HMBOX1: variants seen among roughly 807,000 people sequenced by gnomAD.
HMBOX1 encodes homeobox-containing protein 1.
Under a neutral mutation model 54.5 loss-of-function variants are expected in HMBOX1, and 14 were observed. The ratio of observed to expected loss-of-function variants is 0.26; its 90% confidence interval spans 0.17 to 0.40. The LOEUF (loss-of-function observed/expected upper bound fraction) is 0.40, where lower values mean the gene tolerates loss of function less well. HMBOX1 is among the 10% of genes least tolerant of loss of function. The pLI is 1.00. For missense variants in HMBOX1, 332 were observed against 514.4 expected, an observed-to-expected ratio of 0.65 and a Z score of 3.43; for synonymous variants, 160 against 181.0, an observed-to-expected ratio of 0.88 and a Z score of 0.93.
At position 29,017,087 on chromosome 8, in the gene HMBOX1, G is replaced by C. The variant is rs761100434; in HGVS notation, c.698-1673G>C. Among the ~76,000 whole-genome samples the C allele has an allele frequency of 3.6e-4, 55 of 152,162 alleles. 1 individual carries two copies. The highest frequency in any genetic ancestry group is 1.9e-4 in the Non-Finnish European group (13 of 68,022). On this transcript the variant is annotated intron_variant, in intron 5 of 9. Coordinates refer to ENST00000287701, the MANE Select transcript of HMBOX1 (RefSeq NM_001135726.3). ...ACTTCTCCATGTGGCATTTGCTGTG[G>C]CTACAGTGTCCAAGATGGCATTTTC...
In HMBOX1 at chr8:29,012,050, G is replaced by T. The variant is rs540881578; in HGVS notation, c.697+2868G>T. 3.9e-5 allele frequency among the ~76,000 whole-genome samples: 6 copies of T among 152,338 alleles called. No individual in the cohort carries two copies. The Middle Eastern group carries it at 0.01, about 259-fold the overall frequency. ...GGGACATAATTTAAAGGTAGCTAGA[G>T]ATAAGAGGGTAAGTTCGTAATTGCC... On this transcript the variant is annotated intron_variant, in intron 5 of 9. Transcript: ENST00000287701.
Position 28,898,948 on chromosome 8 carries a change from T to A in HMBOX1, c.-58+8270T>A, listed in dbSNP as rs145253206. On this transcript the variant is annotated intron_variant, in intron 1 of 9. Transcript: ENST00000287701. Reference sequence around the variant, plus strand: ...CTTTTTATGAGGAGGGTTCTCTTGTTGGTGTTGAACAAGGCACTCAGTTAA... The same window carrying A: ...CTTTTTATGAGGAGGGTTCTCTTGTAGGTGTTGAACAAGGCACTCAGTTAA... 3.0e-3 allele frequency among the ~76,000 whole-genome samples: 455 copies of A among 152,296 alleles called. 1 individual carries two copies. The highest frequency in any genetic ancestry group is 0.01 in the African/African-American group (431 of 41,552).
intron 4 of HMBOX1, among the ~76,000 whole-genome samples, chr8:29,004,889 A>G (rs887558937): frequency 6.6e-6 from 1 of 152,304 alleles, no homozygotes; most frequent in African/African-American, 2.4e-5. Flanking sequence ...AGCTCAAAGC[A>G]TGAGTTCAAG....
intron 6 of HMBOX1, chr8:29,042,784 T>G: frequency 2.3e-6 from 1 of 443,844 alleles, no homozygotes; most frequent in South Asian, 1.6e-5. Context: ...TGATTTCGCA[T>G]GCCATGGAGT....
intron 3 of HMBOX1, among the ~76,000 whole-genome samples, chr8:28,975,693 C>T (rs571027220): frequency 6.6e-6 from 1 of 152,132 alleles, no homozygotes; most frequent in South Asian, 2.1e-4. Context: ...CAAGATCAGC[C>T]CGCTCTTCAC....
chr8:28,957,649 G>A (rs1459014476), intron 1 of HMBOX1, among the ~76,000 whole-genome samples: 3 of 152,070 alleles, frequency 2.0e-5, no homozygotes, highest in African/African-American at 4.8e-5. Context: ...TTGAGATAGC[G>A]TCTTGCTCTG....
chr8:28,983,627 T>A (rs896190819), intron 4 of HMBOX1, among the ~76,000 whole-genome samples: 2 of 152,214 alleles, frequency 1.3e-5, no homozygotes, highest in Non-Finnish European at 2.9e-5. Context: ...TCTAGCATTG[T>A]GCAGGTACTC....
Position 29,009,163 on chromosome 8 carries a change from A to C in HMBOX1, c.678A>C (p.Gln226His), listed in dbSNP as rs1326399176. The C allele has an allele frequency of 6.2e-7, 1 of 1,612,272 alleles. No homozygotes were observed. Among genetic ancestry groups the C allele is most frequent in the Admixed American group, 1.7e-5 (1 of 60,012 alleles). ...AAAGAGCATTTTACCGATGGTATCA[A>C]CTTGAGAAGACAAACCCTGGTAAAT... ...QKKRAFYRWYQLEKTNPGATL... is the reference protein window; with the variant it reads ...QKKRAFYRWYHLEKTNPGATL... The change falls in exon 5 of 10, where the codon CAA (glutamine) becomes CAC (histidine). Residue 226 changes from glutamine (Q) to histidine (H), a missense_variant. Coordinates refer to ENST00000287701, the MANE Select transcript of HMBOX1 (RefSeq NM_001135726.3).
Position 28,987,319 on chromosome 8 carries a change from G to A in HMBOX1, c.586+7163G>A, listed in dbSNP as rs149776614. On this transcript the variant is annotated intron_variant, in intron 4 of 9. Coordinates refer to ENST00000287701, the MANE Select transcript of HMBOX1 (RefSeq NM_001135726.3). The stretch of plus-strand genomic sequence containing the variant: ...GATACAATGTTTCTTTGATTGTTGT[G>A]TGAAATATTTCTTGCCTAATGTAAT... 3.0e-3 allele frequency among the ~76,000 whole-genome samples: 463 copies of A among 152,154 alleles called. 1 individual carries two copies. Among genetic ancestry groups the A allele is most frequent in the African/African-American group, 0.011 (439 of 41,538 alleles).
chr8:28,967,784 A>C (rs1404461350), intron 2 of HMBOX1, among the ~76,000 whole-genome samples: 2 of 152,218 alleles, frequency 1.3e-5, no homozygotes, highest in African/African-American at 2.4e-5. Flanking sequence ...AGAATATAAT[A>C]ATCATGAAAA....
At chr8:28,963,731 C>T in intron 1 of HMBOX1, 80 bp from the exon 2 acceptor site, 9 of 587,932 alleles carry the variant, frequency 1.5e-5, no homozygotes. Context: ...CTCTTGCTGT[C>T]CATCAGTTAC....
At chr8:29,006,590 T>C (rs916200799) in intron 4 of HMBOX1, among the ~76,000 whole-genome samples, 1 of 152,236 alleles carries the variant, frequency 6.6e-6, no homozygotes, top group Non-Finnish European at 1.5e-5. Flanking sequence ...TTTATTTGTT[T>C]GGTTGGTTCT....
intron 7 of HMBOX1, among the ~76,000 whole-genome samples, 154 bp downstream of exon 7, chr8:29,045,597 C>T (rs1805460474): frequency 6.6e-6 from 1 of 152,218 alleles, no homozygotes; most frequent in African/African-American, 2.4e-5. Context: ...CTGTCCTGCT[C>T]ACACAGTACT....
rs531641816 is a variant in HMBOX1, at chr8:29,007,430, AT to A, written c.587-1641del. ...GGCATACAGTGCCTACATTACATGAATCTTTAGTCCACTGGAAAACTGCTGT... is the reference window on the plus strand; with the variant it reads ...GGCATACAGTGCCTACATTACATGAACTTTAGTCCACTGGAAAACTGCTGT... On this transcript the variant is annotated intron_variant, in intron 4 of 9. Coordinates refer to ENST00000287701, the MANE Select transcript of HMBOX1 (RefSeq NM_001135726.3). 2.6e-5 allele frequency among the ~76,000 whole-genome samples: 4 copies of A among 152,342 alleles called. No homozygotes were observed. The East Asian group carries it at 7.7e-4, about 29-fold the overall frequency.
At chr8:28,957,235 A>G (rs949673129) in intron 1 of HMBOX1, among the ~76,000 whole-genome samples, 1 of 152,258 alleles carries the variant, frequency 6.6e-6, no homozygotes, top group African/African-American at 2.4e-5. Context: ...CCATAAAAAA[A>G]GAACAAAATC....
intron 1 of HMBOX1, among the ~76,000 whole-genome samples, chr8:28,903,235 T>A (rs1017157342): frequency 2.0e-5 from 3 of 152,236 alleles, no homozygotes; most frequent in African/African-American, 7.2e-5. Flanking sequence ...GAATTTTGTC[T>A]TACCCCAAGT....
chr8:29,002,848 A>C (rs897241107), intron 4 of HMBOX1, among the ~76,000 whole-genome samples: 2 of 152,090 alleles, frequency 1.3e-5, no homozygotes, highest in Non-Finnish European at 2.9e-5. Context: ...TCTTGGAATT[A>C]GTGTATTTAT....
At chr8:29,012,589 A>G (rs1487525178) in intron 5 of HMBOX1, among the ~76,000 whole-genome samples, 1 of 152,236 alleles carries the variant, frequency 6.6e-6, no homozygotes, top group African/African-American at 2.4e-5. Context: ...AATCTCTGAA[A>G]AGCTGTGTTA....
At chr8:29,024,444 A>G (rs994475170) in intron 6 of HMBOX1, among the ~76,000 whole-genome samples, 1 of 152,192 alleles carries the variant, frequency 6.6e-6, no homozygotes, top group Admixed American at 6.5e-5. Context: ...TAGGAGATGT[A>G]TCTGATTAGA....
Sources: allele counts gnomAD v4.1 joint callset (sites outside exome capture counted in the v4.1 genomes callset), GRCh38; gene constraint gnomAD v4.1.1; transcripts MANE v1.5; gene names NCBI Gene and HGNC (gene_info 2026-07-23, HGNC 2026-07-21).